Variants in ABL1 observed in about 807,000 individuals in gnomAD.
ABL1 encodes the protein ABL proto-oncogene 1, non-receptor tyrosine kinase.
In ABL1, 11 loss-of-function variants were observed where a neutral mutation model predicts 94.7. The ratio of observed to expected loss-of-function variants is 0.12; its 90% CI spans 0.07 to 0.19. The LOEUF (loss-of-function observed/expected upper bound fraction) is 0.19. ABL1 is among the 10% of genes least tolerant of loss of function. ABL1 has a pLI of 1.00. For synonymous variants in ABL1, 656 were observed against 622.4 expected (o/e 1.05, Z -0.80); for missense variants, 1,082 against 1,489.4 (o/e 0.73, Z 4.50).
intron 1 of ABL1, among the ~76,000 whole-genome samples, chr9:130,846,943 C>T (rs774728603): frequency 1.7e-4 from 26 of 152,200 alleles, no homozygotes; most frequent in Non-Finnish European, 2.6e-4. Context: ...ACTGTCTAAA[C>T]AAGTTAATCA....
chr9:130,833,070 A>G (rs1460033923), upstream of ABL1, among the ~76,000 whole-genome samples: 1 of 150,310 alleles, frequency 6.7e-6, no homozygotes, highest in African/African-American at 2.5e-5. Flanking sequence ...TAGACTCAAG[A>G]GCAGAATATT....
rs1036830147 is a variant in ABL1 at position 130,775,027 on chromosome 9, T to G, written c.136+60572T>G. On this transcript the variant is annotated intron_variant, in intron 1 of 10. Transcript: ENST00000372348. The stretch of plus-strand genomic sequence containing the variant: ...TAAGCATGCCTTCTTTTAAACTTTG[T>G]TTGAATTTACCTGGCCTCTGTAGTT... 2.0e-5 allele frequency among the ~76,000 whole-genome samples: 3 copies of G among 152,192 alleles called. No individual in the cohort carries two copies. In the South Asian group the frequency reaches 6.2e-4, roughly 31 times the overall value.
chr9:130,727,257 A>G (rs1588212213), intron 1 of ABL1, among the ~76,000 whole-genome samples: 4 of 149,692 alleles, frequency 2.7e-5, no homozygotes, highest in Admixed American at 2.0e-4. Flanking sequence ...TGTAGAGACA[A>G]GGTTTCACCA....
intron 4 of ABL1, among the ~76,000 whole-genome samples, chr9:130,869,340 T>C (rs1831212807): frequency 6.6e-6 from 1 of 152,214 alleles, no homozygotes; most frequent in Non-Finnish European, 1.5e-5. Flanking sequence ...CAAGCACCGC[T>C]GAGTGAGTGC....
At chr9:130,847,553 T>C (rs539664072) in intron 1 of ABL1, among the ~76,000 whole-genome samples, 1 of 152,340 alleles carries the variant, frequency 6.6e-6, no homozygotes, top group South Asian at 2.1e-4. Context: ...ATGAAGCAAG[T>C]AACTTGGCAT....
intron 4 of ABL1, among the ~76,000 whole-genome samples, chr9:130,866,813 A>G (rs1831165127): frequency 6.6e-6 from 1 of 152,230 alleles, no homozygotes; most frequent in Admixed American, 6.5e-5. Context: ...GACGTGCTTA[A>G]GAAAACCAAC....
chr9:130,764,989 T>G (rs1832162830), intron 1 of ABL1, among the ~76,000 whole-genome samples: 1 of 151,162 alleles, frequency 6.6e-6, no homozygotes, highest in Non-Finnish European at 1.5e-5. Flanking sequence ...GGGATACAAG[T>G]AGAATTTGTA....
At position 130,835,658 on chromosome 9, in the gene ABL1, C is replaced by CCTCTT. The variant is rs78414785; in HGVS notation, c.79+150_79+154dup. 49 of 541,418 alleles carry CCTCTT rather than the reference C, an allele frequency of 9.1e-5. No homozygotes were observed. The highest frequency in any genetic ancestry group is 8.0e-4 in the East Asian group (26 of 32,462). 33.5% of individuals were successfully genotyped at this position (541,418 alleles called of 1,614,324 possible). A position where few individuals can be genotyped will look rare whatever the true frequency, so the allele number is the denominator to read the frequency against. ...GGTCTTGTCTTTTTTTTCTTTCTTC[C>CCTCTT]CTCTTCTCTTCTCTTCTCTTCAGTT... is the stretch of plus-strand genomic sequence containing the variant. On this transcript the variant is annotated intron_variant, in intron 1 of 10. Transcript: ENST00000318560. The surrounding 1 kb of genome is among the most constrained non-coding windows in gnomAD (Gnocchi z 4.6).
At chr9:130,725,314 A>G (rs978025442) in intron 1 of ABL1, among the ~76,000 whole-genome samples, 2 of 152,172 alleles carry the variant, frequency 1.3e-5, no homozygotes, top group Non-Finnish European at 2.9e-5. Context: ...CTAGGACTTC[A>G]TATAACTATA....
Position 130,814,025 on chromosome 9 carries a change from G to A in ABL1, c.137-40039G>A, listed in dbSNP as rs1440602691. On this transcript the variant is annotated intron_variant, in intron 1 of 10. Transcript: ENST00000372348. This position sits in a 1 kb window ranked among gnomAD's most constrained non-coding sequence, Gnocchi z 4.4. Reference sequence around the variant, plus strand: ...AGTGTGGCCAGGCAGGGAGGCCCATGCCTGTAATCCCAGCACTTTGGGAGG... The same window carrying A: ...AGTGTGGCCAGGCAGGGAGGCCCATACCTGTAATCCCAGCACTTTGGGAGG... Among the ~76,000 whole-genome samples, 2 of 152,152 alleles carry A rather than the reference G, an allele frequency of 1.3e-5. No homozygotes were observed. The highest frequency in any genetic ancestry group is 2.9e-5 in the Non-Finnish European group (2 of 68,010).
At chr9:130,729,038 G>T (rs1237419150) in intron 1 of ABL1, among the ~76,000 whole-genome samples, 1 of 152,174 alleles carries the variant, frequency 6.6e-6, no homozygotes, top group Admixed American at 6.5e-5. Context: ...GTAAGTGACT[G>T]GTCGTTAAGT....
chr9:130,733,739 T>C (rs2032422), intron 1 of ABL1, among the ~76,000 whole-genome samples: 31,731 of 151,802 alleles, frequency 0.21, 3,727 homozygotes, highest in Middle Eastern at 0.39. Context: ...CCACCGCGCC[T>C]GCCACCACGC....
At chr9:130,785,928 TAAAAAAAAAAAAA>T (rs34333699) in intron 1 of ABL1, among the ~76,000 whole-genome samples, 224 of 56,690 alleles carry the variant, frequency 4.0e-3, no homozygotes, top group Non-Finnish European at 6.5e-3. Context: ...GTCTCAAAAC[TAAAAAAAAAAAAA>T]AAAAAAAAAA....
intron 1 of ABL1, among the ~76,000 whole-genome samples, chr9:130,774,707 ATGG>A (rs1246719603): frequency 6.6e-6 from 1 of 152,048 alleles, no homozygotes; most frequent in African/African-American, 2.4e-5. Flanking sequence ...TTAGCCAGGC[ATGG>A]TGGCGTGCAT....
At position 130,821,748 on chromosome 9, in the gene ABL1, C is replaced by T. The variant is rs534518636; in HGVS notation, c.137-32316C>T. ...CATAATCTTGGCTCACTGCAACTTCCGCCTCCCTGGTTCAAGTGATTCTCC... is the reference window on the plus strand; with the variant it reads ...CATAATCTTGGCTCACTGCAACTTCTGCCTCCCTGGTTCAAGTGATTCTCC... On this transcript the variant is annotated intron_variant, in intron 1 of 10. Transcript: ENST00000372348. Among the ~76,000 whole-genome samples the T allele has an allele frequency of 2.9e-3, 439 of 151,242 alleles. 2 individuals carry two copies. The highest frequency in any genetic ancestry group is 4.6e-3 in the Non-Finnish European group (313 of 67,826).
intron 1 of ABL1, among the ~76,000 whole-genome samples, chr9:130,785,578 T>C (rs1829815278): frequency 6.6e-6 from 1 of 152,132 alleles, no homozygotes; most frequent in South Asian, 2.1e-4. Context: ...AGACACTTTG[T>C]TCATTTGCTA....
intron 1 of ABL1, among the ~76,000 whole-genome samples, chr9:130,730,996 CTCT>C (rs1831657647): frequency 1.6e-5 from 2 of 126,122 alleles, no homozygotes; most frequent in African/African-American, 5.8e-5. Flanking sequence ...CACTCTATCT[CTCT>C]TTTTTTTTTT....
intron 3 of ABL1, among the ~76,000 whole-genome samples, chr9:130,855,570 ACATACGTG>A (rs1830960921): frequency 6.6e-6 from 1 of 152,116 alleles, no homozygotes; most frequent in Non-Finnish European, 1.5e-5. Flanking sequence ...AGGTGTGTGG[ACATACGTG>A]CATACACGCA....
intron 1 of ABL1, among the ~76,000 whole-genome samples, chr9:130,787,870 C>T: frequency 6.6e-6 from 1 of 152,176 alleles, no homozygotes; most frequent in Non-Finnish European, 1.5e-5. Context: ...TCCCATTTCT[C>T]CTTGGAGGGA....
Sources: allele counts gnomAD v4.1 joint callset (sites outside exome capture counted in the v4.1 genomes callset), GRCh38; gene constraint gnomAD v4.1.1; non-coding constraint Gnocchi (gnomAD v3.1); transcripts MANE v1.5; gene names NCBI Gene and HGNC (gene_info 2026-07-23, HGNC 2026-07-21).